Variants in ATP7B observed in about 807,000 individuals in gnomAD.
The protein encoded by ATP7B is ATPase copper transporting beta.
ATP7B carries 113 observed loss-of-function variants against 118.9 expected under a neutral mutation model. That is an observed-to-expected ratio of 0.95 (90% CI 0.82 to 1.11). The LOEUF (loss-of-function observed/expected upper bound fraction) is 1.11, where lower values mean the gene tolerates loss of function less well. Ranked by LOEUF, ATP7B falls within the 50% of genes most tolerant of loss-of-function variation. The pLI is 0.00. For synonymous variants in ATP7B, 777 were observed against 727.4 expected, an observed-to-expected ratio of 1.07 and a Z score of -1.10; for missense variants, 1,867 against 1,871.4, an observed-to-expected ratio of 1.00 and a Z score of 0.04.
chr13:51,934,835 C>T lies in ATP7B; in HGVS notation c.4319G>A (p.Arg1440Gln), dbSNP rs201483366. 2.1e-5 allele frequency: 34 copies of T among 1,614,088 alleles called. No individual in the cohort carries two copies. The highest frequency in any genetic ancestry group is 6.7e-5 in the East Asian group (3 of 44,902). ...LSSLTSDKPS[R>Q]HSAAADDDGD... ...ATCATCGTCTGCTGCAGCGCTGTGCCGAGATGGCTTGTCGGACGTCAGGGA... is the reference window on the plus strand; with the variant it reads ...ATCATCGTCTGCTGCAGCGCTGTGCTGAGATGGCTTGTCGGACGTCAGGGA... Residue 1440 changes from arginine to glutamine, a missense_variant, in exon 21 of 21, where the codon CGG becomes CAG. By Grantham distance (43) the Arg-to-Gln change is conservative. Transcript: ENST00000242839.
chr13:51,945,890 A>C (rs747630625), intron 13 of ATP7B, among the ~76,000 whole-genome samples: 4 of 152,058 alleles, frequency 2.6e-5, no homozygotes, highest in African/African-American at 9.7e-5. Context: ...AGGACCCACC[A>C]CTAATCCCAC....
Position 51,944,071 on chromosome 13 carries a change from T to C in ATP7B, c.3243+38A>G, listed in dbSNP as rs17076116. ...GGACATGGTGAGGAATAAAAGAGCA[T>C]TGGCGGGGAGGGCAGGGCCACGCCC... On this transcript the variant is annotated intron_variant, in intron 14 of 20. Transcript: ENST00000242839. 2.1e-4 allele frequency: 335 copies of C among 1,613,060 alleles called. 1 individual carries two copies. The East Asian group carries it at 4.8e-3, about 23-fold the overall frequency.
intron 13 of ATP7B, 112 bp downstream of exon 13, chr13:51,946,172 T>C: frequency 1.5e-5 from 21 of 1,393,612 alleles, no homozygotes; most frequent in South Asian, 5.3e-5. Context: ...TCCTATTCTA[T>C]GTAATTAACA....
At chr13:51,981,295 A>G (rs957782001) in intron 1 of ATP7B, among the ~76,000 whole-genome samples, 3 of 152,210 alleles carry the variant, frequency 2.0e-5, no homozygotes, top group African/African-American at 7.2e-5. Context: ...GCAAGCAGCA[A>G]GCCAGGCTAA....
At position 51,974,592 on chromosome 13, in the gene ATP7B, T is replaced by C. The variant is rs61733680; in HGVS notation, c.628A>G (p.Ile210Val). The C allele has an allele frequency of 3.4e-4, 542 of 1,613,996 alleles. No individual in the cohort carries two copies. The African/African-American group carries it at 6.4e-3, about 19-fold the overall frequency. ...CTTAAGGGAGCCACTTTGCTCTTGA[T>C]GGCAGCTTCAAATCCCATGTCATTT... ...HVNDMGFEAA[I>V]KSKVAPLSLG... The change falls in exon 2 of 21, where the codon ATC becomes GTC. Residue 210 changes from isoleucine to valine, a missense_variant. By Grantham distance (29) the Ile-to-Val change is conservative (BLOSUM62 3). Transcript: ENST00000242839.
chr13:51,963,266 C>T (rs1378958819), intron 5 of ATP7B, among the ~76,000 whole-genome samples: 1 of 152,134 alleles, frequency 6.6e-6, no homozygotes, highest in Non-Finnish European at 1.5e-5. Flanking sequence ...GGCCACTGAG[C>T]TCGGAAGCAC....
chr13:51,936,241 TCC>T (rs1956952764), intron 19 of ATP7B, among the ~76,000 whole-genome samples: 1 of 152,078 alleles, frequency 6.6e-6, no homozygotes. Flanking sequence ...GGAATTAAGC[TCC>T]TGAGCCGGCT....
chr13:51,994,226 A>G (rs1375915150), intron 1 of ATP7B, among the ~76,000 whole-genome samples: 5 of 152,240 alleles, frequency 3.3e-5, no homozygotes, highest in Admixed American at 1.3e-4. Context: ...GATTTAACAC[A>G]TTAGTTTAGC....
At chr13:51,965,671 A>T (rs985058244) in intron 4 of ATP7B, among the ~76,000 whole-genome samples, 1 of 152,202 alleles carries the variant, frequency 6.6e-6, no homozygotes, top group African/African-American at 2.4e-5. Flanking sequence ...GGATAGCATG[A>T]TGTATTCAGG....
rs1956794174 is a variant in ATP7B at position 51,933,264 on chromosome 13, T to C, written c.*1492A>G. The C allele has an allele frequency of 2.6e-5, 4 of 152,210 alleles. No individual in the cohort carries two copies. In the South Asian group the frequency reaches 8.3e-4, roughly 31 times the overall value. 9.4% of individuals were successfully genotyped at this position (152,210 alleles called of 1,614,324 possible). A position where few individuals can be genotyped will look rare whatever the true frequency, so the allele number is the denominator to read the frequency against. On this transcript the variant is annotated 3_prime_UTR_variant, in exon 21 of 21. Coordinates refer to ENST00000242839, the MANE Select transcript of ATP7B (RefSeq NM_000053.4). ...ACAGCTGACAGACACTGCTTGTCCA[T>C]TGGCTATGTCATCCTGGGCAAAGTC...
chr13:52,008,725 A>T (rs1292142999), intron 1 of ATP7B, among the ~76,000 whole-genome samples: 1 of 152,194 alleles, frequency 6.6e-6, no homozygotes, highest in Non-Finnish European at 1.5e-5. Context: ...ATGGTTTCTC[A>T]ACCTAGGCTA....
At chr13:52,010,861 T>C (rs767081548) in intron 1 of ATP7B, among the ~76,000 whole-genome samples, 15 of 152,242 alleles carry the variant, frequency 9.9e-5, no homozygotes, top group Non-Finnish European at 1.8e-4. Context: ...AAGACTGTCT[T>C]AATGTATTAC....
intron 1 of ATP7B, among the ~76,000 whole-genome samples, chr13:51,979,255 G>A (rs926882310): frequency 6.6e-6 from 1 of 152,230 alleles, no homozygotes. Flanking sequence ...AGTTCACTGA[G>A]AGGGCTACAA....
intron 9 of ATP7B, 105 bp from the exon 10 acceptor site, chr13:51,950,504 C>A: frequency 6.7e-7 from 1 of 1,483,172 alleles, no homozygotes; most frequent in Non-Finnish European, 9.3e-7. Flanking sequence ...TTATACTGAG[C>A]AACAGTATTC....
At chr13:51,947,502 A>G (rs1957740174) in intron 12 of ATP7B, among the ~76,000 whole-genome samples, 1 of 152,204 alleles carries the variant, frequency 6.6e-6, no homozygotes, top group African/African-American at 2.4e-5. Flanking sequence ...ATGTTCACTT[A>G]CTTATAGTAA....
chr13:51,970,892 T>C, intron 2 of ATP7B, 143 bp from the exon 3 acceptor site: 1 of 603,388 alleles, frequency 1.7e-6, no homozygotes, highest in Non-Finnish European at 2.8e-6. Flanking sequence ...AGTAACTACC[T>C]TGTCCCTCAG....
At chr13:51,991,917 C>T (rs1284522224) in intron 1 of ATP7B, among the ~76,000 whole-genome samples, 7 of 152,182 alleles carry the variant, frequency 4.6e-5, no homozygotes, top group African/African-American at 1.7e-4. Flanking sequence ...CTTAGCCCTG[C>T]TCACATCAGC....
At chr13:52,006,134 A>G (rs1706263655) in intron 1 of ATP7B, among the ~76,000 whole-genome samples, 1 of 152,232 alleles carries the variant, frequency 6.6e-6, no homozygotes, top group Non-Finnish European at 1.5e-5. Flanking sequence ...TAGTTAATGA[A>G]TATCTATAGA....
At chr13:51,990,028 G>C (rs1952834157) in intron 1 of ATP7B, among the ~76,000 whole-genome samples, 1 of 151,690 alleles carries the variant, frequency 6.6e-6, no homozygotes, top group Non-Finnish European at 1.5e-5. Flanking sequence ...ATGCATGATG[G>C]GAAATGCTAC....
Sources: allele counts gnomAD v4.1 joint callset (sites outside exome capture counted in the v4.1 genomes callset), GRCh38; gene constraint gnomAD v4.1.1; transcripts MANE v1.5; gene names NCBI Gene and HGNC (gene_info 2026-07-23, HGNC 2026-07-21).